Variants in KCTD14 observed in about 807,000 individuals in gnomAD.
KCTD14 encodes potassium channel tetramerization domain containing 14, also known as BTB/POZ domain-containing protein KCTD14.
A neutral mutation model predicts 5.9 loss-of-function variants in KCTD14; 7 were observed. That is an observed-to-expected ratio of 1.19 (90% CI 0.68 to 2.23). The LOEUF (loss-of-function observed/expected upper bound fraction) is 2.23, where lower values mean the gene tolerates loss of function less well. KCTD14 is among the 30% of genes most tolerant of loss of function. KCTD14 has a pLI of 0.00. For synonymous variants in KCTD14, 140 were observed against 133.1 expected, an observed-to-expected ratio of 1.05 and a Z score of -0.36; for missense variants, 342 against 332.2, an observed-to-expected ratio of 1.03 and a Z score of -0.23.
intron 2 of KCTD14, among the ~76,000 whole-genome samples, chr11:78,031,945 T>C (rs1368144347): frequency 6.6e-6 from 1 of 152,178 alleles, no homozygotes. Context: ...TCACAGATAA[T>C]GGTGGCTCAC....
In KCTD14 at chr11:78,016,989, G is replaced by T; in HGVS notation, c.372C>A (p.Asp124Glu). ...EIKPLVKLLEDMPQIFGEQVS... is the reference protein window; with the variant it reads ...EIKPLVKLLEEMPQIFGEQVS... Reference sequence around the variant, plus strand: ...CCTGCTCACCAAAGATCTGTGGCATGTCCTCCAGCAGCTTGACCAAAGGCT... The same window carrying T: ...CCTGCTCACCAAAGATCTGTGGCATTTCCTCCAGCAGCTTGACCAAAGGCT... The change falls in exon 2 of 2, where the codon GAC becomes GAA. Residue 124 changes from aspartate (D) to glutamate (E), a missense_variant. By Grantham distance (45) the Asp-to-Glu change is conservative. Transcript: ENST00000353172. 6.2e-7 allele frequency: 1 copy of T among 1,614,218 alleles called. No individual in the cohort carries two copies. The highest frequency in any genetic ancestry group is 8.5e-7 in the Non-Finnish European group (1 of 1,180,048).
intron 1 of KCTD14, among the ~76,000 whole-genome samples, chr11:78,020,720 G>A (rs1857284144): frequency 6.6e-6 from 1 of 152,226 alleles, no homozygotes; most frequent in Non-Finnish European, 1.5e-5. Context: ...TCAGACAGAA[G>A]TCACACAGCT....
At chr11:78,041,899 G>A (rs900341687) in intron 1 of KCTD14, among the ~76,000 whole-genome samples, 6 of 152,148 alleles carry the variant, frequency 3.9e-5, no homozygotes, top group South Asian at 2.1e-4. Flanking sequence ...GTTCTCTTCC[G>A]TGACCCACGG....
rs763060357 is a variant in KCTD14, at chr11:78,023,176, C to CG, written c.73dup (p.Arg25ProfsTer18). On this transcript the variant is annotated frameshift_variant, in exon 1 of 2. Transcript: ENST00000353172. LOFTEE classifies it low-confidence loss of function (END_TRUNC). ...CGCACTTACCGTTGGCCGCCTGGGCCGGGGGGACTGGGGCAGAGGGGTCTG... is the reference window on the plus strand; with the variant it reads ...CGCACTTACCGTTGGCCGCCTGGGCCGGGGGGGACTGGGGCAGAGGGGTCTG... 6.9e-6 allele frequency: 11 copies of CG among 1,592,712 alleles called. No individual in the cohort carries two copies. Among genetic ancestry groups the CG allele is most frequent in the East Asian group, 2.3e-5 (1 of 43,056 alleles).
chr11:78,017,757 G>GA (rs1857210290), intron 1 of KCTD14, among the ~76,000 whole-genome samples: 1 of 152,108 alleles, frequency 6.6e-6, no homozygotes, highest in East Asian at 1.9e-4. Context: ...ATTTCTGTTT[G>GA]AAAAAAGAAT....
At chr11:78,046,149 A>T (rs1858134610) in exon 1 of KCTD14, 1 of 985,150 alleles carries the variant, frequency 1.0e-6, no homozygotes, top group Non-Finnish European at 1.2e-6. Flanking sequence ...CCACAGAATC[A>T]GTTCGCAAGG....
chr11:78,029,502 G>A (rs1857558104), intron 2 of KCTD14, among the ~76,000 whole-genome samples: 1 of 152,220 alleles, frequency 6.6e-6, no homozygotes, highest in Non-Finnish European at 1.5e-5. Context: ...AATAAGCAGG[G>A]TTAATTTAAA....
chr11:78,037,432 C>A (rs757093408), intron 2 of KCTD14, among the ~76,000 whole-genome samples: 3 of 152,206 alleles, frequency 2.0e-5, no homozygotes, highest in Non-Finnish European at 4.4e-5. Context: ...CCCTGAGCAC[C>A]AGGGACTGGT....
At chr11:78,044,472 G>A (rs1482323515) in intron 1 of KCTD14, among the ~76,000 whole-genome samples, 1 of 152,174 alleles carries the variant, frequency 6.6e-6, no homozygotes, top group African/African-American at 2.4e-5. Context: ...CAGTAAGTGA[G>A]TATAACCCCC....
At chr11:78,021,830 G>A (rs962185346) in intron 1 of KCTD14, among the ~76,000 whole-genome samples, 5 of 152,096 alleles carry the variant, frequency 3.3e-5, no homozygotes, top group African/African-American at 1.2e-4. Flanking sequence ...AAGGTTTAGA[G>A]GCCCTTTGCA....
At chr11:78,037,272 A>G (rs1227514719) in intron 2 of KCTD14, among the ~76,000 whole-genome samples, 1 of 152,256 alleles carries the variant, frequency 6.6e-6, no homozygotes, top group East Asian at 1.9e-4. Context: ...CAGCCCAGCC[A>G]GGACACATCC....
intron 2 of KCTD14, among the ~76,000 whole-genome samples, chr11:78,028,475 C>T (rs192700211): frequency 3.3e-5 from 5 of 151,886 alleles, no homozygotes; most frequent in East Asian, 3.9e-4. Flanking sequence ...TGGTGGCATG[C>T]GCCTATAGTC....
chr11:78,042,511 G>GA (rs111524094), intron 1 of KCTD14, among the ~76,000 whole-genome samples: 299 of 141,952 alleles, frequency 2.1e-3, no homozygotes, highest in African/African-American at 5.8e-3. Context: ...ATCTCAAAAA[G>GA]AAAAAAAAAA....
chr11:78,017,471 G>A (rs1346516058), intron 1 of KCTD14, among the ~76,000 whole-genome samples: 10 of 146,174 alleles, frequency 6.8e-5, no homozygotes, highest in Non-Finnish European at 1.5e-4. Context: ...TTTTTTCGAC[G>A]GAGTCTCGCT....
intron 1 of KCTD14, among the ~76,000 whole-genome samples, chr11:78,020,667 T>G (rs1266160058): frequency 6.6e-6 from 1 of 152,172 alleles, no homozygotes; most frequent in East Asian, 1.9e-4. Context: ...CACTGAAAGC[T>G]CTCAGGTCCT....
intron 1 of KCTD14, among the ~76,000 whole-genome samples, chr11:78,020,918 T>C (rs1591176996): frequency 1.3e-5 from 2 of 152,154 alleles, no homozygotes; most frequent in Non-Finnish European, 2.9e-5. Flanking sequence ...GGAGGCAAAA[T>C]GGACCAAAAG....
intron 1 of KCTD14, among the ~76,000 whole-genome samples, chr11:78,020,142 T>C (rs1857272940): frequency 6.6e-6 from 1 of 152,140 alleles, no homozygotes; most frequent in Non-Finnish European, 1.5e-5. Flanking sequence ...CAGGTCTTTT[T>C]GTGGATGTGG....
At position 78,016,835 on chromosome 11, in the gene KCTD14, C is replaced by G. The variant is rs1857177549; in HGVS notation, c.526G>C (p.Glu176Gln). The change falls in exon 2 of 2, where the codon GAG becomes CAG. Residue 176 changes from glutamate (E) to glutamine (Q), a missense_variant. Physicochemically the swap from Glu to Gln is conservative, Grantham distance 29. Coordinates refer to ENST00000353172, the MANE Select transcript of KCTD14 (RefSeq NM_023930.4). ...SSVLVCLVET[E>Q]EQDAYYSEVL... The stretch of plus-strand genomic sequence containing the variant: ...TCTGAATAATATGCATCCTGCTCCT[C>G]AGTTTCCACCAGGCACACAAGCACG... The G allele has an allele frequency of 1.2e-6, 2 of 1,614,096 alleles. No individual in the cohort carries two copies. The highest frequency in any genetic ancestry group is 2.7e-5 in the African/African-American group (2 of 74,942).
In KCTD14 at chr11:78,016,443, C is replaced by T; in HGVS notation, c.*150G>A. On this transcript the variant is annotated 3_prime_UTR_variant, in exon 2 of 2. Coordinates refer to ENST00000353172, the MANE Select transcript of KCTD14 (RefSeq NM_023930.4). ...ATCAGTTGCAATGGAGTGGAAAGTC[C>T]TTAAACGAGTGATCAATATTTAGTG... is the stretch of plus-strand genomic sequence containing the variant. The T allele has an allele frequency of 1.5e-6, 1 of 671,814 alleles. No individual in the cohort carries two copies. The highest frequency in any genetic ancestry group is 2.5e-6 in the Non-Finnish European group (1 of 400,564). 41.6% of individuals were successfully genotyped at this position (671,814 alleles called of 1,614,324 possible).
Sources: gnomAD v4.1 joint callset for allele counts (sites outside exome capture counted in the v4.1 genomes callset) on GRCh38, gnomAD v4.1.1 for gene constraint, MANE v1.5 for transcripts, NCBI Gene and HGNC (gene_info 2026-07-23, HGNC 2026-07-21) for gene names.